The following PTK2B variants were observed in gnomAD, a reference collection of about 807,000 sequenced individuals.
PTK2B encodes the protein protein tyrosine kinase 2 beta.
PTK2B carries 71 observed loss-of-function variants against 142.9 expected under a neutral mutation model. The ratio of observed to expected loss-of-function variants is 0.50; its 90% CI spans 0.41 to 0.61. PTK2B has a LOEUF of 0.61. Among genes scored for constraint, PTK2B ranks in the 20% least tolerant of loss-of-function variants. The pLI is 0.00. For synonymous variants in PTK2B, 519 were observed against 503.4 expected (o/e 1.03, Z -0.42); for missense variants, 1,105 against 1,320.4 (o/e 0.84, Z 2.53).
chr8:27,446,015 G>C, intron 24 of PTK2B, 96 bp downstream of exon 24: 1 of 1,534,130 alleles, frequency 6.5e-7, no homozygotes, highest in Non-Finnish European at 8.8e-7. Flanking sequence ...CTCAGCTCAG[G>C]AGGGCCCTTC....
intron 1 of PTK2B, among the ~76,000 whole-genome samples, chr8:27,388,942 A>G (rs1807541647): frequency 6.6e-6 from 1 of 152,058 alleles, no homozygotes; most frequent in Non-Finnish European, 1.5e-5. Context: ...CTCATTTCCC[A>G]ATGACCCCTC....
upstream of PTK2B, among the ~76,000 whole-genome samples, chr8:27,321,944 T>G (rs1803226965): frequency 6.6e-6 from 1 of 152,234 alleles, no homozygotes; most frequent in Non-Finnish European, 1.5e-5. Flanking sequence ...TAGACATCCC[T>G]TGGTGATGAA....
intron 27 of PTK2B, 138 bp downstream of exon 27, chr8:27,451,647 G>C (rs765410643): frequency 4.0e-6 from 6 of 1,514,136 alleles, no homozygotes; most frequent in Non-Finnish European, 5.3e-6. Context: ...TTAATTCAGA[G>C]CATGTGGGGC....
At position 27,458,740 on chromosome 8, in the gene PTK2B, G is replaced by A. The variant is rs929463522; in HGVS notation, c.*231G>A. On this transcript the variant is annotated 3_prime_UTR_variant, in exon 31 of 31. Transcript: ENST00000346049. ...ACACAGGGTGACGGTGACAAAGATG[G>A]CTCAGAGGGGGACTGCTGCTGCCTG... 1.7e-6 allele frequency: 1 copy of A among 578,548 alleles called. No individual in the cohort carries two copies. The highest frequency in any genetic ancestry group is 3.1e-6 in the Non-Finnish European group (1 of 324,016). 35.8% of individuals were successfully genotyped at this position (578,548 alleles called of 1,614,324 possible). A position where few individuals can be genotyped will look rare whatever the true frequency, so the allele number is the denominator to read the frequency against.
upstream of PTK2B, chr8:27,311,321 T>C (rs1802958752): frequency 1.4e-6 from 2 of 1,405,668 alleles, no homozygotes; most frequent in African/African-American, 2.9e-5. Flanking sequence ...ACCCGAGTGC[T>C]GGGAATCGCC....
intron 1 of PTK2B, among the ~76,000 whole-genome samples, chr8:27,364,848 G>A (rs1469954979): frequency 7.9e-5 from 12 of 151,822 alleles, no homozygotes; most frequent in Non-Finnish European, 1.6e-4. Flanking sequence ...CCTCATTATC[G>A]CCCCCATCTT....
upstream of PTK2B, chr8:27,322,778 C>A (rs1365428295): frequency 6.7e-6 from 1 of 150,374 alleles, no homozygotes; most frequent in Non-Finnish European, 1.5e-5. Context: ...TGGCTATCAT[C>A]CTAAATGACA....
chr8:27,411,369 A>G (rs1051582159), intron 2 of PTK2B, among the ~76,000 whole-genome samples: 3 of 152,092 alleles, frequency 2.0e-5, no homozygotes, highest in Non-Finnish European at 2.9e-5. Context: ...TGTTACCCCA[A>G]TCTGGCCACC....
intron 1 of PTK2B, 175 bp from the exon 2 acceptor site, chr8:27,397,373 T>TAGAA (rs1441208983): frequency 3.4e-6 from 2 of 588,490 alleles, no homozygotes; most frequent in Non-Finnish European, 6.0e-6. Flanking sequence ...TGCCCCTTTC[T>TAGAA]GCTGCATCTT....
Position 27,437,862 on chromosome 8 carries a change from G to T in PTK2B, c.1625G>T (p.Ser542Ile). 6.2e-7 allele frequency: 1 copy of T among 1,612,178 alleles called. No individual in the cohort carries two copies. Among genetic ancestry groups the T allele is most frequent in the Non-Finnish European group, 8.5e-7 (1 of 1,179,276 alleles). ...TGCAAAGCCATGGCCTACCTGGAGA[G>T]CATCAACTGCGTGCACAGGTAGGGG... Reference protein sequence around the residue: ...QICKAMAYLESINCVHRDIAV... With the variant: ...QICKAMAYLEIINCVHRDIAV... Residue 542 changes from serine to isoleucine, a missense_variant, in exon 18 of 31, where the codon AGC (serine) becomes ATC (isoleucine). Ser to Ile is a moderately radical substitution (Grantham distance 142). Transcript: ENST00000346049.
chr8:27,370,778 CCT>C (rs1257805213), intron 1 of PTK2B, among the ~76,000 whole-genome samples: 1 of 152,194 alleles, frequency 6.6e-6, no homozygotes, highest in Non-Finnish European at 1.5e-5. Flanking sequence ...CCTTTTTCCC[CCT>C]GTTACCTGAA....
chr8:27,353,842 G>A (rs1186876479), intron 1 of PTK2B, among the ~76,000 whole-genome samples: 2 of 152,192 alleles, frequency 1.3e-5, no homozygotes, highest in East Asian at 1.9e-4. Context: ...AAATGGGCCT[G>A]CTATTGAAGA....
chr8:27,415,069 G>T (rs1455225992), intron 2 of PTK2B, among the ~76,000 whole-genome samples: 5 of 152,184 alleles, frequency 3.3e-5, no homozygotes, highest in Non-Finnish European at 7.4e-5. Flanking sequence ...TTGTTGTTTG[G>T]GGGGCTGTTT....
rs142107257 is a variant in PTK2B, at chr8:27,451,760, A to G, written c.2548+251A>G. 576 of 1,343,482 alleles carry G rather than the reference A, an allele frequency of 4.3e-4. 1 individual carries two copies. In the African/African-American group the frequency reaches 7.9e-3, roughly 18 times the overall value. The allele number at this position is 1,343,482 out of a possible 1,614,324, so 83.2% of individuals were successfully genotyped here. A position where few individuals can be genotyped will look rare whatever the true frequency, so the allele number is the denominator to read the frequency against. ...ACATCCTTAGGCCCCTCCTCAGATC[A>G]TCCCCCTCCTGCATTAGTTTGGAGG... On this transcript the variant is annotated intron_variant, in intron 27 of 30. Transcript: ENST00000346049.
chr8:27,444,105 T>C (rs2132307207), intron 22 of PTK2B, 101 bp from the exon 23 acceptor site: 1 of 1,252,586 alleles, frequency 8.0e-7, no homozygotes, highest in East Asian at 2.3e-5. Flanking sequence ...TTCCTTCCTT[T>C]GGAACAAGCC....
chr8:27,437,799 T>C lies in PTK2B; in HGVS notation c.1562T>C (p.Leu521Pro). The C allele has an allele frequency of 1.9e-6, 3 of 1,613,378 alleles. No individual in the cohort carries two copies. The highest frequency in any genetic ancestry group is 2.5e-6 in the Non-Finnish European group (3 of 1,179,796). Residue 521 changes from leucine to proline, a missense_variant, in exon 18 of 31, where the codon CTG (leucine) becomes CCG (proline). Physicochemically the swap from Leu to Pro is moderately conservative, Grantham distance 98. Transcript: ENST00000346049. ...TACCTGGAGCGGAACAAGAACTCCC[T>C]GAAGGTGCTCACCCTCGTGCTGTAC... is the stretch of plus-strand genomic sequence containing the variant. ...GHYLERNKNSLKVLTLVLYSL... is the reference protein window; with the variant it reads ...GHYLERNKNSPKVLTLVLYSL...
At chr8:27,331,612 G>A (rs1031031441) in intron 1 of PTK2B, among the ~76,000 whole-genome samples, 1 of 151,856 alleles carries the variant, frequency 6.6e-6, no homozygotes, top group African/African-American at 2.4e-5. Flanking sequence ...TCAGCTTCCC[G>A]AGTAGCTGAG....
At chr8:27,366,751 G>A (rs1244877654) in intron 1 of PTK2B, among the ~76,000 whole-genome samples, 1 of 152,166 alleles carries the variant, frequency 6.6e-6, no homozygotes, top group East Asian at 1.9e-4. Flanking sequence ...GCTAGGAGAG[G>A]ACCAGCTCTG....
In PTK2B at chr8:27,416,726, T is replaced by C. The variant is rs55993693; in HGVS notation, c.205-3169T>C. 7.7e-3 allele frequency among the ~76,000 whole-genome samples: 1,179 copies of C among 152,238 alleles called. 11 individuals carry two copies. The highest frequency in any genetic ancestry group is 0.024 in the Middle Eastern group (7 of 294). On this transcript the variant is annotated intron_variant, in intron 2 of 30. Transcript: ENST00000346049. Reference sequence around the variant, plus strand: ...ATAAAATACATCATACAAAATACTTTTACCTAGAATGTATAAAAGCCTCCT... The same window carrying C: ...ATAAAATACATCATACAAAATACTTCTACCTAGAATGTATAAAAGCCTCCT...
Sources: allele counts gnomAD v4.1 joint callset (sites outside exome capture counted in the v4.1 genomes callset), GRCh38; gene constraint gnomAD v4.1.1; transcripts MANE v1.5; gene names NCBI Gene and HGNC (gene_info 2026-07-23, HGNC 2026-07-21).